Variants in ENOX1 observed in about 807,000 individuals in gnomAD.
The protein encoded by ENOX1 is candidate growth-related and time keeping constitutive hydroquinone (NADH) oxidase.
In ENOX1, 42 loss-of-function variants were observed where a neutral mutation model predicts 82.5. That is an observed-to-expected ratio of 0.51 (90% confidence interval 0.40 to 0.66). The LOEUF (loss-of-function observed/expected upper bound fraction) is 0.66. Ranked by LOEUF, ENOX1 falls within the 30% of genes least tolerant of loss-of-function variation. The pLI is 0.00. For synonymous variants in ENOX1, 271 were observed against 282.2 expected (o/e 0.96, Z 0.40); for missense variants, 608 against 811.6 (o/e 0.75, Z 3.05).
At chr13:43,429,696 G>A (rs2055545920) in intron 3 of ENOX1, among the ~76,000 whole-genome samples, 1 of 152,068 alleles carries the variant, frequency 6.6e-6, no homozygotes, top group South Asian at 2.1e-4. Context: ...TGTTAGGAAG[G>A]GCAGCAAGGA....
intron 11 of ENOX1, among the ~76,000 whole-genome samples, chr13:43,304,007 C>T (rs571941522): frequency 6.6e-6 from 1 of 152,312 alleles, no homozygotes; most frequent in East Asian, 1.9e-4. Flanking sequence ...ACATGCTTGG[C>T]TTGTCATTCT....
chr13:43,432,298 C>A (rs956259654), intron 3 of ENOX1, among the ~76,000 whole-genome samples: 2 of 152,084 alleles, frequency 1.3e-5, no homozygotes, highest in Admixed American at 6.5e-5. Context: ...TTTTCAAGGA[C>A]AATGAAATAT....
rs192801094 is a variant in ENOX1 at position 43,743,075 on chromosome 13, C to T, written c.-285+43577G>A. Among the ~76,000 whole-genome samples, 7 of 152,190 alleles carry T rather than the reference C, an allele frequency of 4.6e-5. No homozygotes were observed. The East Asian group carries it at 1.4e-3, about 29-fold the overall frequency. On this transcript the variant is annotated intron_variant, in intron 1 of 16. Transcript: ENST00000690772. ...TGTTTATTCACTGAAAAGAGAATGC[C>T]TTGAGGGCTTTATTAGGGTCTTGAA...
intron 12 of ENOX1, among the ~76,000 whole-genome samples, chr13:43,271,349 C>G (rs946865974): frequency 2.6e-5 from 4 of 151,954 alleles, no homozygotes; most frequent in Admixed American, 1.3e-4. Flanking sequence ...TCAAAAAGCA[C>G]TGCTCAGCAA....
chr13:43,746,650 A>G (rs763518786), intron 1 of ENOX1, among the ~76,000 whole-genome samples: 15 of 152,166 alleles, frequency 9.9e-5, no homozygotes, highest in Non-Finnish European at 1.9e-4. Flanking sequence ...TTCTAAGAAA[A>G]AGTAACAGGG....
At chr13:43,471,414 T>C (rs1344159707) in intron 3 of ENOX1, among the ~76,000 whole-genome samples, 2 of 152,286 alleles carry the variant, frequency 1.3e-5, no homozygotes, top group Non-Finnish European at 1.5e-5. Context: ...ATGTAAATTT[T>C]ACCTCAAAAG....
chr13:43,474,544 C>T lies in ENOX1; in HGVS notation c.-75+9465G>A, dbSNP rs192206322. Reference sequence around the variant, plus strand: ...TTTTGGGAATAATGCATTGCTTATCCTTAAATTTTGCTTTGCAGTTTCTGT... The same window carrying T: ...TTTTGGGAATAATGCATTGCTTATCTTTAAATTTTGCTTTGCAGTTTCTGT... On this transcript the variant is annotated intron_variant, in intron 3 of 16. Transcript: ENST00000690772. Among the ~76,000 whole-genome samples, 459 of 152,204 alleles carry T rather than the reference C, an allele frequency of 3.0e-3. 1 individual carries two copies. The highest frequency in any genetic ancestry group is 3.7e-3 in the Non-Finnish European group (251 of 68,010).
intron 2 of ENOX1, among the ~76,000 whole-genome samples, chr13:43,534,215 T>C (rs944491947): frequency 2.0e-5 from 3 of 152,110 alleles, no homozygotes; most frequent in Non-Finnish European, 2.9e-5. Context: ...AGCAACCCAC[T>C]TGGGTCCTTA....
intron 1 of ENOX1, among the ~76,000 whole-genome samples, chr13:43,762,660 C>T (rs1951050489): frequency 1.3e-5 from 2 of 152,078 alleles, no homozygotes; most frequent in African/African-American, 4.8e-5. Context: ...AGCACTCACT[C>T]GGAATCCTAG....
intron 1 of ENOX1, among the ~76,000 whole-genome samples, chr13:43,741,273 C>T (rs1304769343): frequency 2.0e-5 from 3 of 151,988 alleles, no homozygotes; most frequent in Non-Finnish European, 4.4e-5. Context: ...TCAGTAGAGA[C>T]GGGGTTTCAC....
intron 9 of ENOX1, among the ~76,000 whole-genome samples, chr13:43,329,706 T>C (rs1325196349): frequency 2.6e-5 from 4 of 152,072 alleles, no homozygotes; most frequent in Non-Finnish European, 5.9e-5. Flanking sequence ...ACACTTTTTT[T>C]CCCTATACCA....
chr13:43,298,240 T>A (rs1196938206), intron 12 of ENOX1, 106 bp downstream of exon 12: 3 of 1,208,362 alleles, frequency 2.5e-6, no homozygotes, highest in Non-Finnish European at 3.4e-6. Context: ...TTTTTGGTTG[T>A]CATTTCTTCT....
At chr13:43,770,681 A>G (rs902366760) in intron 1 of ENOX1, among the ~76,000 whole-genome samples, 2 of 120,892 alleles carry the variant, frequency 1.7e-5, no homozygotes, top group African/African-American at 6.3e-5. Context: ...TAGTATACGT[A>G]TGTGTACACA....
chr13:43,595,940 T>C, intron 2 of ENOX1, among the ~76,000 whole-genome samples: 1 of 128,902 alleles, frequency 7.8e-6, no homozygotes, highest in East Asian at 4.3e-4. Flanking sequence ...CCATATATGC[T>C]CTTATTAATT....
At chr13:43,321,752 T>G (rs2047823093) in intron 11 of ENOX1, among the ~76,000 whole-genome samples, 1 of 152,254 alleles carries the variant, frequency 6.6e-6, no homozygotes, top group Non-Finnish European at 1.5e-5. Flanking sequence ...GTCTCATGTT[T>G]TGAATGAGCT....
chr13:43,275,487 G>A (rs1295987059), intron 12 of ENOX1, among the ~76,000 whole-genome samples: 1 of 152,028 alleles, frequency 6.6e-6, no homozygotes, highest in Non-Finnish European at 1.5e-5. Flanking sequence ...GTGGGATGGA[G>A]GAGTAAGTAC....
At chr13:43,467,001 T>C (rs2057755252) in intron 3 of ENOX1, among the ~76,000 whole-genome samples, 1 of 152,234 alleles carries the variant, frequency 6.6e-6, no homozygotes, top group Non-Finnish European at 1.5e-5. Flanking sequence ...TGCATGCGTA[T>C]ATCACATTTT....
chr13:43,494,939 A>T (rs959089449), intron 2 of ENOX1, among the ~76,000 whole-genome samples: 2 of 152,174 alleles, frequency 1.3e-5, no homozygotes, highest in Admixed American at 1.3e-4. Context: ...CAACAATTAT[A>T]GGAATATTTT....
At chr13:43,553,390 T>C (rs1040949087) in intron 2 of ENOX1, among the ~76,000 whole-genome samples, 1 of 152,204 alleles carries the variant, frequency 6.6e-6, no homozygotes, top group Non-Finnish European at 1.5e-5. Context: ...TAAGACAGAC[T>C]GGGCTTGACA....
Sources: gnomAD v4.1 joint callset for allele counts (sites outside exome capture counted in the v4.1 genomes callset) on GRCh38, gnomAD v4.1.1 for gene constraint, MANE v1.5 for transcripts, NCBI Gene and HGNC (gene_info 2026-07-23, HGNC 2026-07-21) for gene names.